The following JPT1 variants were observed in gnomAD, a reference collection of about 807,000 sequenced individuals.
The protein encoded by JPT1 is androgen-regulated protein 2.
Under a neutral mutation model 17.0 loss-of-function variants are expected in JPT1, and 5 were observed. That is an observed-to-expected ratio of 0.29 (90% CI 0.15 to 0.62). JPT1 has a LOEUF of 0.62. Among genes scored for constraint, JPT1 ranks in the 20% least tolerant of loss-of-function variants. JPT1 has a pLI of 0.85. For synonymous variants in JPT1, 71 were observed against 73.6 expected, an observed-to-expected ratio of 0.96 and a Z score of 0.18; for missense variants, 158 against 188.1, an observed-to-expected ratio of 0.84 and a Z score of 0.94.
intron 4 of JPT1, among the ~76,000 whole-genome samples, chr17:75,143,566 T>C (rs1568032007): frequency 2.0e-5 from 3 of 150,122 alleles, no homozygotes; most frequent in Middle Eastern, 7.2e-3. Flanking sequence ...CCAGGCATGG[T>C]GGCTTACACC....
intron 4 of JPT1, chr17:75,142,745 C>CA (rs1374109204): frequency 2.2e-6 from 1 of 455,636 alleles, no homozygotes; most frequent in Non-Finnish European, 4.4e-6. Flanking sequence ...GAAGTGGAAT[C>CA]AAAAAACCTA....
In JPT1 at chr17:75,136,114, G is replaced by C; in HGVS notation, c.453C>G (p.Leu151=). 1 of 1,614,234 alleles carries C rather than the reference G, an allele frequency of 6.2e-7. No individual in the cohort carries two copies. The highest frequency in any genetic ancestry group is 8.5e-7 in the Non-Finnish European group (1 of 1,180,044). The change falls in exon 5 of 5, where the codon CTC becomes CTG. Residue 151 remains leucine (L), a synonymous_variant. Coordinates refer to ENST00000409753, the MANE Select transcript of JPT1 (RefSeq NM_016185.4). ...AGGACAGTCAGAGCTAACCCAAGAC[G>C]AGGCTGGACTTGCCGCCAGGGGGAT... ...RRNPPGGKSS[L]VLG is the part of the protein sequence containing the mutation.
rs559907436 is a variant in JPT1, at chr17:75,139,691, G to A, written c.317-3441C>T. The stretch of plus-strand genomic sequence containing the variant: ...AAAAATTAGCTGGGCGTGTGTGCGC[G>A]CCTGTATTCACAGATACTCGGGAGG... On this transcript the variant is annotated intron_variant, in intron 4 of 4. Transcript: ENST00000409753. Among the ~76,000 whole-genome samples, 13 of 152,062 alleles carry A rather than the reference G, an allele frequency of 8.5e-5. No homozygotes were observed. The East Asian group carries it at 1.4e-3, about 16-fold the overall frequency.
At chr17:75,146,553 A>G (rs911382530) in intron 4 of JPT1, 113 bp downstream of exon 4, 19 of 724,296 alleles carry the variant, frequency 2.6e-5, no homozygotes, top group Non-Finnish European at 3.3e-5. Flanking sequence ...CACTTGGGGC[A>G]TGGCCAGGTT....
At chr17:75,149,216 C>T (rs1439162152) in intron 1 of JPT1, 3 of 408,864 alleles carry the variant, frequency 7.3e-6, no homozygotes, top group South Asian at 3.7e-5. Context: ...ATTAGCCAAG[C>T]GTAGTGGCGC....
chr17:75,142,476 C>T (rs866660863), intron 4 of JPT1, among the ~76,000 whole-genome samples: 1 of 150,008 alleles, frequency 6.7e-6, no homozygotes. Flanking sequence ...AGGAGAATCA[C>T]TTGAAACCGG....
chr17:75,135,963 GAAAA>G lies in JPT1; in HGVS notation c.*135_*138del, dbSNP rs370016046. On this transcript the variant is annotated 3_prime_UTR_variant, in exon 5 of 5. Transcript: ENST00000409753. ...ACAGAGAGAAACCTGTTCTTCAAAA[GAAAA>G]AAAAAAAAGACAGCAGTACATAAAG... 42 of 1,186,270 alleles carry G rather than the reference GAAAA, an allele frequency of 3.5e-5. No individual in the cohort carries two copies. Among genetic ancestry groups the G allele is most frequent in the Admixed American group, 9.7e-5 (4 of 41,354 alleles). The allele number at this position is 1,186,270 out of a possible 1,614,324, so 73.5% of individuals were successfully genotyped here.
chr17:75,145,598 AAAAAC>A (rs1284247857), intron 4 of JPT1: 1 of 152,190 alleles, frequency 6.6e-6, no homozygotes, highest in Non-Finnish European at 1.5e-5. Flanking sequence ...ATCTCCCTAT[AAAAAC>A]AAATGAACTT....
At chr17:75,151,099 G>A (rs1255969860) in intron 1 of JPT1, among the ~76,000 whole-genome samples, 1 of 151,500 alleles carries the variant, frequency 6.6e-6, no homozygotes, top group East Asian at 2.0e-4. Context: ...TGATCTGCCC[G>A]CCTCGGCCTC....
intron 4 of JPT1, among the ~76,000 whole-genome samples, chr17:75,143,359 G>C (rs148903700): frequency 5.9e-5 from 9 of 151,514 alleles, no homozygotes; most frequent in Non-Finnish European, 1.3e-4. Flanking sequence ...CAGGAGTTCA[G>C]TATCAGCCCG....
intron 4 of JPT1, among the ~76,000 whole-genome samples, chr17:75,140,115 A>G (rs2074279878): frequency 1.3e-5 from 2 of 151,812 alleles, no homozygotes; most frequent in Admixed American, 1.3e-4. Context: ...ACGGGCTTTC[A>G]CCATGTTGGC....
At chr17:75,154,103 T>C (rs2074596489) in intron 1 of JPT1, 2 of 245,100 alleles carry the variant, frequency 8.2e-6, no homozygotes, top group Non-Finnish European at 7.7e-6. Context: ...CCCGGCCTCC[T>C]CAGCCCCTGA....
chr17:75,154,315 G>A (rs771727062), intron 1 of JPT1, 27 bp downstream of exon 1: 15 of 1,531,526 alleles, frequency 9.8e-6, no homozygotes, highest in Middle Eastern at 2.0e-4. Context: ...AGCCCCGCGC[G>A]GCTCGGGCGC....
intron 2 of JPT1, among the ~76,000 whole-genome samples, chr17:75,148,181 C>G (rs1044564218): frequency 1.3e-5 from 2 of 152,208 alleles, no homozygotes; most frequent in African/African-American, 4.8e-5. Flanking sequence ...TCTTTCCTCT[C>G]AGGCTAAGTC....
intron 2 of JPT1, chr17:75,148,038 C>G: frequency 4.5e-6 from 1 of 223,486 alleles, no homozygotes. Context: ...CAGCAATTGA[C>G]GTTATGTGTT....
chr17:75,147,272 G>T (rs2074458454), intron 3 of JPT1, among the ~76,000 whole-genome samples: 1 of 152,004 alleles, frequency 6.6e-6, no homozygotes, highest in South Asian at 2.1e-4. Flanking sequence ...ACTCAGAAAT[G>T]CTTCTATATA....
intron 2 of JPT1, chr17:75,148,024 A>C: frequency 4.4e-6 from 1 of 226,620 alleles, no homozygotes; most frequent in Non-Finnish European, 8.8e-6. Flanking sequence ...AAAACAAAAA[A>C]CTTCAGCAAT....
intron 4 of JPT1, among the ~76,000 whole-genome samples, chr17:75,137,277 A>C (rs1255981191): frequency 6.6e-6 from 1 of 152,136 alleles, no homozygotes; most frequent in East Asian, 1.9e-4. Context: ...ATTTTCTATG[A>C]AAGGAAACTT....
At position 75,144,380 on chromosome 17, in the gene JPT1, G is replaced by A. The variant is rs1389661020; in HGVS notation, c.316+2286C>T. ...GAAAAAAAATTAGCCAGGCATGGTG[G>A]CATACACCTGTATCCCAGCTACTCA... On this transcript the variant is annotated intron_variant, in intron 4 of 4. Transcript: ENST00000409753. 2.6e-5 allele frequency among the ~76,000 whole-genome samples: 4 copies of A among 151,994 alleles called. No homozygotes were observed. The East Asian group carries it at 5.8e-4, about 22-fold the overall frequency.
Sources: gnomAD v4.1 joint callset for allele counts (sites outside exome capture counted in the v4.1 genomes callset) on GRCh38, gnomAD v4.1.1 for gene constraint, MANE v1.5 for transcripts, NCBI Gene and HGNC (gene_info 2026-07-23, HGNC 2026-07-21) for gene names.